The following RYR2 variants were observed in gnomAD, a reference collection of about 807,000 sequenced individuals.
RYR2 encodes cardiac muscle ryanodine receptor-calcium release channel.
In RYR2, 227 loss-of-function variants were observed where a neutral mutation model predicts 601.1. That is an observed-to-expected ratio of 0.38 (90% confidence interval 0.34 to 0.42). The LOEUF is 0.42. RYR2 is among the 10% of genes least tolerant of loss of function. The probability of loss-of-function intolerance (pLI) is 1.00; values close to 1 mark genes in which losing one functional copy is unlikely to be tolerated. For missense variants in RYR2, 4,646 were observed against 6,156.5 expected (o/e 0.75, Z 8.21); for synonymous variants, 2,223 against 2,175.1 (o/e 1.02, Z -0.61).
At chr1:237,264,585 C>A (rs937739047) in intron 1 of RYR2, among the ~76,000 whole-genome samples, 2 of 152,132 alleles carry the variant, frequency 1.3e-5, no homozygotes, top group African/African-American at 4.8e-5. Flanking sequence ...TGTTCTTATC[C>A]ATTCATTCAA....
chr1:237,785,676 T>TG (rs1265522062), intron 90 of RYR2, among the ~76,000 whole-genome samples: 5 of 151,484 alleles, frequency 3.3e-5, no homozygotes, highest in South Asian at 2.1e-4. Flanking sequence ...CATTGAAGGA[T>TG]GAGTAAGATT....
intron 3 of RYR2, among the ~76,000 whole-genome samples, chr1:237,350,523 A>G (rs1033566489): frequency 7.3e-6 from 1 of 137,678 alleles, no homozygotes; most frequent in Non-Finnish European, 1.5e-5. Context: ...GTGAGCTGAG[A>G]TCGCACCACT....
chr1:237,084,147 C>T (rs1017273786), intron 1 of RYR2, among the ~76,000 whole-genome samples: 2 of 152,180 alleles, frequency 1.3e-5, no homozygotes, highest in African/African-American at 4.8e-5. Flanking sequence ...TAATTCACAA[C>T]CACAACAGGA....
Position 237,165,010 on chromosome 1 carries a change from G to C in RYR2, c.49-105487G>C, listed in dbSNP as rs558495310. 2.9e-4 allele frequency among the ~76,000 whole-genome samples: 44 copies of C among 149,240 alleles called. No individual in the cohort carries two copies. The South Asian group carries it at 8.7e-3, about 29-fold the overall frequency. On this transcript the variant is annotated intron_variant, in intron 1 of 104. Transcript: ENST00000366574. ...TTTTTAAGAGACACGGTCTCACTCTGTTACCCAGGCAGGAGTGCAGTGGTA... is the reference window on the plus strand; with the variant it reads ...TTTTTAAGAGACACGGTCTCACTCTCTTACCCAGGCAGGAGTGCAGTGGTA...
chr1:237,570,871 G>C (rs1672612461), intron 29 of RYR2, among the ~76,000 whole-genome samples: 1 of 152,290 alleles, frequency 6.6e-6, no homozygotes, highest in Middle Eastern at 3.4e-3. Context: ...ATTCATGCCT[G>C]TAATCCCAGC....
intron 24 of RYR2, among the ~76,000 whole-genome samples, chr1:237,521,591 G>T (rs2147862457): frequency 6.6e-6 from 1 of 151,886 alleles, no homozygotes; most frequent in African/African-American, 2.4e-5. Context: ...GTCATGGCAG[G>T]TGCCTGTAAT....
chr1:237,527,942 C>T (rs1005678666), intron 24 of RYR2, among the ~76,000 whole-genome samples: 3 of 152,184 alleles, frequency 2.0e-5, no homozygotes, highest in East Asian at 1.9e-4. Context: ...GCCCAGGATG[C>T]GAATCATCGC....
intron 1 of RYR2, among the ~76,000 whole-genome samples, chr1:237,151,663 A>T (rs1293666411): frequency 6.6e-6 from 1 of 152,144 alleles, no homozygotes; most frequent in Non-Finnish European, 1.5e-5. Context: ...GTGCTAACTT[A>T]GCCATTGTTT....
At chr1:237,607,571 T>C (rs1003504879) in intron 35 of RYR2, among the ~76,000 whole-genome samples, 1 of 151,930 alleles carries the variant, frequency 6.6e-6, no homozygotes, top group African/African-American at 2.4e-5. Flanking sequence ...AGTTAAAGTA[T>C]AATAAAAAAA....
intron 75 of RYR2, 134 bp from the exon 76 acceptor site, chr1:237,726,953 A>T (rs543125829): frequency 1.8e-6 from 1 of 566,388 alleles, no homozygotes; most frequent in Non-Finnish European, 3.2e-6. Context: ...TGGAATTGGA[A>T]TTCCAAATAT....
intron 2 of RYR2, among the ~76,000 whole-genome samples, chr1:237,307,809 A>G (rs1694024821): frequency 6.6e-6 from 1 of 152,248 alleles, no homozygotes; most frequent in Non-Finnish European, 1.5e-5. Flanking sequence ...CCTTTCAAGT[A>G]TGAGCCTTCG....
chr1:237,310,516 C>T (rs922974882), intron 2 of RYR2, among the ~76,000 whole-genome samples: 8 of 152,260 alleles, frequency 5.3e-5, no homozygotes, highest in African/African-American at 1.9e-4. Flanking sequence ...TGACTATTAT[C>T]CTACTTGATC....
intron 1 of RYR2, among the ~76,000 whole-genome samples, chr1:237,071,293 G>A (rs1027007382): frequency 2.6e-5 from 4 of 151,568 alleles, no homozygotes; most frequent in African/African-American, 7.3e-5. Flanking sequence ...GTGCTATCTC[G>A]GCTCACTGCA....
chr1:237,131,676 A>G (rs958486723), intron 1 of RYR2, among the ~76,000 whole-genome samples: 2 of 152,114 alleles, frequency 1.3e-5, no homozygotes, highest in African/African-American at 4.8e-5. Flanking sequence ...TTTTGACAGG[A>G]TGGTAGCTAG....
chr1:237,761,339 AC>A (rs1573845278), intron 84 of RYR2, among the ~76,000 whole-genome samples: 1 of 152,134 alleles, frequency 6.6e-6, no homozygotes, highest in Admixed American at 6.5e-5. Flanking sequence ...GAAATCATAA[AC>A]CACATAGATG....
chr1:237,814,098 G>A (rs376078887), intron 100 of RYR2, among the ~76,000 whole-genome samples: 5 of 152,194 alleles, frequency 3.3e-5, no homozygotes, highest in African/African-American at 4.8e-5. Flanking sequence ...CAATTGTAGC[G>A]TCCAAACACT....
chr1:237,464,605 C>T (rs1165531958), intron 16 of RYR2, among the ~76,000 whole-genome samples: 1 of 152,162 alleles, frequency 6.6e-6, no homozygotes, highest in East Asian at 1.9e-4. Flanking sequence ...GTTTCTATCT[C>T]AGTCCCTTAT....
At chr1:237,043,285 G>C (rs1162445842) in intron 1 of RYR2, among the ~76,000 whole-genome samples, 1 of 152,060 alleles carries the variant, frequency 6.6e-6, no homozygotes, top group Non-Finnish European at 1.5e-5. Flanking sequence ...GGAAGCGAGC[G>C]TGTGTTTGCG....
chr1:237,789,917 G>T lies in RYR2; in HGVS notation c.13477-1512G>T, dbSNP rs370292336. Among the ~76,000 whole-genome samples the T allele has an allele frequency of 2.0e-5, 3 of 152,314 alleles. No homozygotes were observed. The East Asian group carries it at 5.8e-4, about 29-fold the overall frequency. On this transcript the variant is annotated intron_variant, in intron 92 of 104. Coordinates refer to ENST00000366574, the MANE Select transcript of RYR2 (RefSeq NM_001035.3). Reference sequence around the variant, plus strand: ...CCTTCCAAGGACAACCAGTGAAACTGACGCAGTCTGGGTGTGGTGGACAGC... The same window carrying T: ...CCTTCCAAGGACAACCAGTGAAACTTACGCAGTCTGGGTGTGGTGGACAGC...
Sources: allele counts gnomAD v4.1 joint callset (sites outside exome capture counted in the v4.1 genomes callset), GRCh38; gene constraint gnomAD v4.1.1; transcripts MANE v1.5; gene names NCBI Gene and HGNC (gene_info 2026-07-23, HGNC 2026-07-21).